Variants in POC1B observed in about 807,000 individuals in gnomAD.
POC1B encodes POC1 centriolar protein B.
A neutral mutation model predicts 60.6 loss-of-function variants in POC1B; 44 were observed. The ratio of observed to expected loss-of-function variants is 0.73; its 90% CI spans 0.57 to 0.93. The LOEUF (loss-of-function observed/expected upper bound fraction) is 0.93, where lower values mean the gene tolerates loss of function less well. POC1B is among the 40% of genes least tolerant of loss of function. The probability of loss-of-function intolerance (pLI) is 0.00; values close to 1 mark genes in which losing one functional copy is unlikely to be tolerated. For missense variants in POC1B, 555 were observed against 572.3 expected (o/e 0.97, Z 0.31); for synonymous variants, 180 against 198.9 (o/e 0.90, Z 0.80).
chr12:89,501,656 C>T (rs932377453), intron 2 of POC1B: 2 of 1,132,780 alleles, frequency 1.8e-6, no homozygotes, highest in South Asian at 1.3e-5. Flanking sequence ...TCAACTGTCA[C>T]GAGAAGTCGA....
At chr12:89,454,779 G>A (rs1882186719) in intron 10 of POC1B, among the ~76,000 whole-genome samples, 1 of 151,914 alleles carries the variant, frequency 6.6e-6, no homozygotes, top group South Asian at 2.1e-4. Context: ...TTAGATCTGT[G>A]AATTGCCTCT....
chr12:89,523,943 T>C (rs925914331), intron 2 of POC1B: 2 of 1,613,108 alleles, frequency 1.2e-6, no homozygotes, highest in Admixed American at 1.7e-5. Flanking sequence ...CCCTCTCGCT[T>C]ATTGGTCCTA....
In POC1B at chr12:89,500,686, G is replaced by A; in HGVS notation, c.101-3344C>T. On this transcript the variant is annotated intron_variant, in intron 2 of 11. Transcript: ENST00000313546. The stretch of plus-strand genomic sequence containing the variant: ...TAAATATGCTGCCTTCAAGTACAGA[G>A]GTTTCACTTAAAACCAAAAAAAGAT... 6 of 1,511,406 alleles carry A rather than the reference G, an allele frequency of 4.0e-6. 1 individual carries two copies. In the South Asian group the frequency reaches 6.0e-5, roughly 15 times the overall value. The allele number at this position is 1,511,406 out of a possible 1,614,324, so 93.6% of individuals were successfully genotyped here.
At chr12:89,500,009 T>G in intron 2 of POC1B, 1 of 924,014 alleles carries the variant, frequency 1.1e-6, no homozygotes, top group Non-Finnish European at 1.7e-6. Context: ...AGTCCGGCGA[T>G]TCATTTCTTG....
chr12:89,509,552 GAC>G (rs1463834030), intron 2 of POC1B, among the ~76,000 whole-genome samples: 1 of 152,084 alleles, frequency 6.6e-6, no homozygotes, highest in Non-Finnish European at 1.5e-5. Flanking sequence ...TAAGGAGTAA[GAC>G]AGAAATCTCA....
At position 89,491,639 on chromosome 12, in the gene POC1B, G is replaced by GA. The variant is rs60826949; in HGVS notation, c.452+296dup. Among the ~76,000 whole-genome samples the GA allele has an allele frequency of 4.0e-3, 458 of 115,692 alleles. 2 individuals are homozygous for GA. The highest frequency in any genetic ancestry group is 8.9e-3 in the Middle Eastern group (2 of 224). The allele number at this position is 115,692 out of a possible 152,430, so 75.9% of individuals were successfully genotyped here. On this transcript the variant is annotated intron_variant, in intron 4 of 11. Coordinates refer to ENST00000313546, the MANE Select transcript of POC1B (RefSeq NM_172240.3). ...GACCGTGTCTCAAAAAAAAAAAAAA[G>GA]AAAAAAAAAAAAGAAAAAAAAATTA...
intron 10 of POC1B, among the ~76,000 whole-genome samples, chr12:89,431,463 G>GCA (rs1881028289): frequency 6.6e-6 from 1 of 151,086 alleles, no homozygotes; most frequent in South Asian, 2.1e-4. Flanking sequence ...ACACGCACAT[G>GCA]CACACACACA....
At chr12:89,514,751 C>G (rs1870370434) in intron 2 of POC1B, among the ~76,000 whole-genome samples, 1 of 152,032 alleles carries the variant, frequency 6.6e-6, no homozygotes, top group African/African-American at 2.4e-5. Context: ...CTAATATATC[C>G]TACCTTCTAA....
At chr12:89,501,653 T>C (rs1869571283) in intron 2 of POC1B, 3 of 1,137,278 alleles carry the variant, frequency 2.6e-6, no homozygotes, top group Non-Finnish European at 3.9e-6. Flanking sequence ...ACTTCAACTG[T>C]CACGAGAAGT....
At chr12:89,405,061 T>G in the POC1B span, among the ~76,000 whole-genome samples, 1 of 152,238 alleles carries the variant, frequency 6.6e-6, no homozygotes, top group Admixed American at 6.5e-5. Context: ...ACATAAAATG[T>G]TTACCATCAA....
the POC1B span, among the ~76,000 whole-genome samples, chr12:89,406,706 C>A: frequency 6.6e-6 from 1 of 151,972 alleles, no homozygotes; most frequent in South Asian, 2.1e-4. Flanking sequence ...ACTGGTTCAA[C>A]AAAGCAGGTT....
In POC1B at chr12:89,497,109, G is replaced by A. The variant is rs1869288596; in HGVS notation, c.272+62C>T. 3 of 1,525,724 alleles carry A rather than the reference G, an allele frequency of 2.0e-6. No homozygotes were observed. The East Asian group carries it at 6.8e-5, about 34-fold the overall frequency. 94.5% of individuals were successfully genotyped at this position (1,525,724 alleles called of 1,614,324 possible). A position where few individuals can be genotyped will look rare whatever the true frequency, so the allele number is the denominator to read the frequency against. ...GCAGCAGTGCATGAGCAGCAGCCAG[G>A]GTCAGCTTTCTTTCACATTTCCAAA... On this transcript the variant is annotated intron_variant, in intron 3 of 11. Coordinates refer to ENST00000313546, the MANE Select transcript of POC1B (RefSeq NM_172240.3).
intron 4 of POC1B, among the ~76,000 whole-genome samples, chr12:89,485,819 C>T (rs1474228249): frequency 2.0e-5 from 3 of 152,190 alleles, no homozygotes; most frequent in Admixed American, 2.0e-4. Context: ...GCCTACTCAC[C>T]AACCTTTCAC....
intron 4 of POC1B, among the ~76,000 whole-genome samples, chr12:89,480,107 T>C (rs1883262525): frequency 6.6e-6 from 1 of 151,948 alleles, no homozygotes; most frequent in Non-Finnish European, 1.5e-5. Context: ...TTTTATATTA[T>C]GTTTTGAAAA....
At chr12:89,409,871 G>A in the POC1B span, among the ~76,000 whole-genome samples, 1 of 152,196 alleles carries the variant, frequency 6.6e-6, no homozygotes, top group Admixed American at 6.5e-5. Context: ...AATTCCACCT[G>A]AGGTACAAAG....
At chr12:89,438,395 T>C (rs1401003855) in intron 10 of POC1B, among the ~76,000 whole-genome samples, 1 of 152,226 alleles carries the variant, frequency 6.6e-6, no homozygotes, top group Non-Finnish European at 1.5e-5. Flanking sequence ...AGGCGGAGCT[T>C]GCAGTGAGCC....
chr12:89,446,883 C>T (rs1194761035), intron 10 of POC1B, among the ~76,000 whole-genome samples: 4 of 151,964 alleles, frequency 2.6e-5, no homozygotes. Flanking sequence ...AGAAGCAATG[C>T]CACTGTTGCC....
Position 89,501,781 on chromosome 12 carries a change from T to C in POC1B, c.101-4439A>G, listed in dbSNP as rs1284817782. On this transcript the variant is annotated intron_variant, in intron 2 of 11. Coordinates refer to ENST00000313546, the MANE Select transcript of POC1B (RefSeq NM_172240.3). ...ACTGCATCACAACAGTAGGCAAAAA[T>C]CTGCTAAGAAAACAAATCAGTCATC... 8.8e-6 allele frequency: 9 copies of C among 1,023,658 alleles called. No individual in the cohort carries two copies. The East Asian group carries it at 1.7e-4, about 19-fold the overall frequency. The allele number at this position is 1,023,658 out of a possible 1,614,324, so 63.4% of individuals were successfully genotyped here.
intron 10 of POC1B, among the ~76,000 whole-genome samples, chr12:89,430,446 CAACAT>C (rs1435287886): frequency 6.6e-6 from 1 of 152,288 alleles, no homozygotes; most frequent in East Asian, 1.9e-4. Flanking sequence ...AACCATTCAA[CAACAT>C]AACCATGGTC....
Sources: gnomAD v4.1 joint callset for allele counts (sites outside exome capture counted in the v4.1 genomes callset) on GRCh38, gnomAD v4.1.1 for gene constraint, MANE v1.5 for transcripts, NCBI Gene and HGNC (gene_info 2026-07-23, HGNC 2026-07-21) for gene names.